Variants in CRTAC1 observed in about 807,000 individuals in gnomAD.
CRTAC1 encodes the protein cartilage acidic protein 1.
A neutral mutation model predicts 67.8 loss-of-function variants in CRTAC1; 37 were observed. That is an observed-to-expected ratio of 0.55 (90% CI 0.42 to 0.72). The LOEUF is 0.72. Ranked by LOEUF, CRTAC1 falls within the 30% of genes least tolerant of loss-of-function variation. The probability of loss-of-function intolerance (pLI) is 0.00; values close to 1 mark genes in which losing one functional copy is unlikely to be tolerated. For synonymous variants in CRTAC1, 348 were observed against 371.0 expected, an observed-to-expected ratio of 0.94 and a Z score of 0.71; for missense variants, 780 against 931.6, an observed-to-expected ratio of 0.84 and a Z score of 2.12.
Position 97,874,150 on chromosome 10 carries a change from C to T in CRTAC1, c.1819+6099G>A, listed in dbSNP as rs144590494. Among the ~76,000 whole-genome samples, 54 of 152,296 alleles carry T rather than the reference C, an allele frequency of 3.5e-4. No individual in the cohort carries two copies. The East Asian group carries it at 6.0e-3, about 17-fold the overall frequency. On this transcript the variant is annotated intron_variant, in intron 14 of 14. Coordinates refer to ENST00000370597, the MANE Select transcript of CRTAC1 (RefSeq NM_018058.7). ...CAACCCGGCAGGAAAAAGGACCAGA[C>T]GGGGGTGCAGATGCCTTGGGAAAGT...
chr10:97,931,773 TG>T (rs1285347469), intron 3 of CRTAC1, among the ~76,000 whole-genome samples: 3 of 152,176 alleles, frequency 2.0e-5, no homozygotes, highest in Non-Finnish European at 4.4e-5. Flanking sequence ...GGCCAGCTCA[TG>T]CGGGCGGGAG....
At chr10:97,973,024 A>G (rs919442572) in intron 2 of CRTAC1, among the ~76,000 whole-genome samples, 3 of 152,196 alleles carry the variant, frequency 2.0e-5, no homozygotes, top group African/African-American at 4.8e-5. Context: ...CTCCCAAACA[A>G]TGGTGTCTTA....
At chr10:97,926,749 A>T (rs2050926138) in intron 3 of CRTAC1, among the ~76,000 whole-genome samples, 1 of 152,174 alleles carries the variant, frequency 6.6e-6, no homozygotes, top group African/African-American at 2.4e-5. Context: ...AATGCACTTG[A>T]AGTGTTCAGA....
At chr10:97,954,632 A>G (rs1422383485) in intron 2 of CRTAC1, among the ~76,000 whole-genome samples, 1 of 152,172 alleles carries the variant, frequency 6.6e-6, no homozygotes, top group Non-Finnish European at 1.5e-5. Flanking sequence ...TCCCATATAT[A>G]GCGCATGAGC....
intron 11 of CRTAC1, chr10:97,884,695 C>T (rs1425732622): frequency 2.2e-5 from 5 of 226,274 alleles, no homozygotes; most frequent in Non-Finnish European, 4.2e-5. Flanking sequence ...ATTTAATGGC[C>T]ACACATGGCT....
intron 5 of CRTAC1, among the ~76,000 whole-genome samples, chr10:97,911,807 C>T (rs933226677): frequency 2.6e-5 from 4 of 152,190 alleles, no homozygotes; most frequent in Non-Finnish European, 4.4e-5. Context: ...TTTGTCACAC[C>T]CTCCCTCTCC....
intron 5 of CRTAC1, 99 bp from the exon 6 acceptor site, chr10:97,908,246 G>C (rs192943332): frequency 0.011 from 14,981 of 1,350,152 alleles, 123 homozygotes; most frequent in Middle Eastern, 0.025. Context: ...CTGCAGCAGA[G>C]GCTCCTCAGA....
Position 98,030,523 on chromosome 10 carries a change from T to G in CRTAC1, c.-51A>C. 1 of 1,197,388 alleles carries G rather than the reference T, an allele frequency of 8.4e-7. No individual in the cohort carries two copies. Among genetic ancestry groups the G allele is most frequent in the Non-Finnish European group, 1.1e-6 (1 of 947,912 alleles). The allele number at this position is 1,197,388 out of a possible 1,614,324, so 74.2% of individuals were successfully genotyped here. On this transcript the variant is annotated 5_prime_UTR_variant, in exon 1 of 15. Transcript: ENST00000370597. The surrounding 1 kb of genome is among the most constrained non-coding windows in gnomAD (Gnocchi z 4.2). Reference sequence around the variant, plus strand: ...AGGGGCGTGGGAAGCGGGCGCTCGCTGCCGCCTCTGCCGCCGGCGCCGCCG... The same window carrying G: ...AGGGGCGTGGGAAGCGGGCGCTCGCGGCCGCCTCTGCCGCCGGCGCCGCCG...
rs774450406 is a variant in CRTAC1 at position 97,960,920 on chromosome 10, C to G, written c.225-24554G>C. On this transcript the variant is annotated intron_variant, in intron 2 of 14. Coordinates refer to ENST00000370597, the MANE Select transcript of CRTAC1 (RefSeq NM_018058.7). The stretch of plus-strand genomic sequence containing the variant: ...TAGCTCCTGATCCCCACACTATGTC[C>G]TAAAAATGTATAAGCCATTTGTTTG... Among the ~76,000 whole-genome samples the G allele has an allele frequency of 1.1e-4, 16 of 152,218 alleles. 1 individual carries two copies. The highest frequency in any genetic ancestry group is 1.9e-4 in the Non-Finnish European group (13 of 68,042).
chr10:98,013,907 G>C (rs1842952179), intron 1 of CRTAC1, among the ~76,000 whole-genome samples: 1 of 152,230 alleles, frequency 6.6e-6, no homozygotes, highest in Non-Finnish European at 1.5e-5. Context: ...GAGTAGACCA[G>C]TGGTTGGCCT....
chr10:97,988,845 G>A (rs1370449763), intron 2 of CRTAC1, among the ~76,000 whole-genome samples: 1 of 152,254 alleles, frequency 6.6e-6, no homozygotes, highest in East Asian at 1.9e-4. Context: ...TCAGTTTCAT[G>A]TGTCAATTTG....
At chr10:98,011,632 T>C (rs1413271456) in intron 1 of CRTAC1, among the ~76,000 whole-genome samples, 2 of 152,210 alleles carry the variant, frequency 1.3e-5, no homozygotes, top group Admixed American at 1.3e-4. Flanking sequence ...ATGATTACAC[T>C]TATTATTTAT....
intron 3 of CRTAC1, among the ~76,000 whole-genome samples, chr10:97,933,448 C>G (rs151311606): frequency 6.6e-6 from 1 of 152,252 alleles, no homozygotes; most frequent in Non-Finnish European, 1.5e-5. Flanking sequence ...TCAGGCCCAA[C>G]AGCTCATGCC....
intron 2 of CRTAC1, among the ~76,000 whole-genome samples, chr10:97,977,036 G>C (rs1446732292): frequency 1.3e-5 from 2 of 152,204 alleles, no homozygotes; most frequent in Non-Finnish European, 2.9e-5. Context: ...GGACCTTCAA[G>C]ATGTCACAGG....
intron 11 of CRTAC1, among the ~76,000 whole-genome samples, chr10:97,890,273 CA>C (rs1425946457): frequency 7.4e-6 from 1 of 134,622 alleles, no homozygotes; most frequent in Non-Finnish European, 1.6e-5. Flanking sequence ...TGCACCACCA[CA>C]CCGGGCTAAT....
At chr10:97,944,083 G>A (rs2051220835) in intron 2 of CRTAC1, among the ~76,000 whole-genome samples, 1 of 152,172 alleles carries the variant, frequency 6.6e-6, no homozygotes, top group South Asian at 2.1e-4. Context: ...TTAGGTCTTA[G>A]GATGGCGACT....
At chr10:97,879,844 A>T in intron 14 of CRTAC1, 1 of 647,924 alleles carries the variant, frequency 1.5e-6, no homozygotes, top group Non-Finnish European at 2.5e-6. Flanking sequence ...TGGGAAAAAG[A>T]GAAAGGGGGT....
intron 2 of CRTAC1, among the ~76,000 whole-genome samples, chr10:97,963,977 A>G (rs2051570756): frequency 6.6e-6 from 1 of 152,164 alleles, no homozygotes; most frequent in African/African-American, 2.4e-5. Context: ...TGTCCTTTCA[A>G]AATTAGATCT....
chr10:97,938,915 GT>G (rs1248569944), intron 2 of CRTAC1, among the ~76,000 whole-genome samples: 2 of 152,208 alleles, frequency 1.3e-5, no homozygotes, highest in Non-Finnish European at 2.9e-5. Context: ...ACATCTCTAT[GT>G]TTTATGCATC....
Sources: gnomAD v4.1 joint callset for allele counts (sites outside exome capture counted in the v4.1 genomes callset) on GRCh38, gnomAD v4.1.1 for gene constraint, Gnocchi (gnomAD v3.1) non-coding constraint, MANE v1.5 for transcripts, NCBI Gene and HGNC (gene_info 2026-07-23, HGNC 2026-07-21) for gene names.